DBT: variants seen among roughly 807,000 people sequenced by gnomAD.
DBT encodes the protein lipoamide acyltransferase component of branched-chain alpha-keto acid dehydrogenase complex, mitochondrial.
In DBT, 40 loss-of-function variants were observed where a neutral mutation model predicts 51.3. The ratio of observed to expected loss-of-function variants is 0.78; its 90% confidence interval spans 0.61 to 1.02. The LOEUF is 1.02. Ranked by LOEUF, DBT falls within the 50% of genes least tolerant of loss-of-function variation. DBT has a pLI of 0.00. For missense variants in DBT, 510 were observed against 580.2 expected, an observed-to-expected ratio of 0.88 and a Z score of 1.24; for synonymous variants, 181 against 190.4, an observed-to-expected ratio of 0.95 and a Z score of 0.41.
intron 3 of DBT, 83 bp downstream of exon 3, chr1:100,235,353 A>G (rs1663805572): frequency 2.6e-5 from 18 of 704,414 alleles, no homozygotes; most frequent in Non-Finnish European, 4.5e-5. Context: ...CCCACTATCC[A>G]TTAAATAAAT....
chr1:100,205,099 A>G (rs948731789), intron 10 of DBT, among the ~76,000 whole-genome samples: 2 of 152,224 alleles, frequency 1.3e-5, no homozygotes, highest in African/African-American at 2.4e-5. Context: ...GCCAAAATTG[A>G]CAAATCAGAT....
rs1196369112 is a variant in DBT at position 100,191,655 on chromosome 1, G to C, written c.*4600C>G. ...GGTGACTAAGACTCAAGTGTGGACA[G>C]AGTATTCTATTCTCCTGCCCACACT... is the stretch of plus-strand genomic sequence containing the variant. On this transcript the variant is annotated 3_prime_UTR_variant, in exon 11 of 11. Coordinates refer to ENST00000370132, the MANE Select transcript of DBT (RefSeq NM_001918.5). 2 of 152,216 alleles carry C rather than the reference G, an allele frequency of 1.3e-5. No individual in the cohort carries two copies. Among genetic ancestry groups the C allele is most frequent in the African/African-American group, 2.4e-5 (1 of 41,436 alleles). The allele number at this position is 152,216 out of a possible 1,614,324, so 9.4% of individuals were successfully genotyped here. A position where few individuals can be genotyped will look rare whatever the true frequency, so the allele number is the denominator to read the frequency against.
intron 10 of DBT, 130 bp downstream of exon 10, chr1:100,206,100 G>C: frequency 1.9e-6 from 1 of 513,114 alleles, no homozygotes; most frequent in Non-Finnish European, 3.5e-6. Flanking sequence ...AGAAATAATA[G>C]ACTTTCTAAG....
Position 100,216,001 on chromosome 1 carries a change from T to C in DBT, c.754A>G (p.Lys252Glu). 1 of 1,596,954 alleles carries C rather than the reference T, an allele frequency of 6.3e-7. No individual in the cohort carries two copies. Among genetic ancestry groups the C allele is most frequent in the South Asian group, 1.1e-5 (1 of 90,740 alleles). Residue 252 changes from lysine to glutamate, a missense_variant, in exon 6 of 11, where the codon AAA becomes GAA. Transcript: ENST00000370132. ...TCATTACCTTTTATGGGTTCTGTTTTGTCTTTGCCTGTGAATACCGGAGGT... is the reference window on the plus strand; with the variant it reads ...TCATTACCTTTTATGGGTTCTGTTTCGTCTTTGCCTGTGAATACCGGAGGT... ...SKPPVFTGKD[K>E]TEPIKGFQKA...
intron 1 of DBT, among the ~76,000 whole-genome samples, chr1:100,248,427 TG>T (rs1213015187): frequency 7.9e-5 from 12 of 152,182 alleles, no homozygotes; most frequent in Admixed American, 2.6e-4. Flanking sequence ...CATATGAAAC[TG>T]GAGATTTCCA....
intron 1 of DBT, among the ~76,000 whole-genome samples, chr1:100,242,206 C>T (rs1664265718): frequency 6.6e-6 from 1 of 150,750 alleles, no homozygotes; most frequent in South Asian, 2.1e-4. Context: ...GTCACTTTTA[C>T]TTAAAAAAAA....
rs778614562 is a variant in DBT, at chr1:100,207,995, C to T, written c.1018-1359G>A. ...AAAATACAAAAAGAAATTAGCCAGG[C>T]GTAGTGGCAGCCTCCTGCAGTACCA... is the stretch of plus-strand genomic sequence containing the variant. On this transcript the variant is annotated intron_variant, in intron 8 of 10. Transcript: ENST00000370132. Among the ~76,000 whole-genome samples, 99 of 151,956 alleles carry T rather than the reference C, an allele frequency of 6.5e-4. 3 individuals are homozygous for T. Among genetic ancestry groups the T allele is most frequent in the East Asian group, 1.9e-4 (1 of 5,178 alleles).
chr1:100,213,482 G>C, intron 7 of DBT: 2 of 1,546,174 alleles, frequency 1.3e-6, no homozygotes, highest in Non-Finnish European at 8.9e-7. Flanking sequence ...CAGCTGGACC[G>C]TCATCCGCTA....
chr1:100,219,090 G>A (rs183906689), intron 4 of DBT, among the ~76,000 whole-genome samples: 20 of 152,198 alleles, frequency 1.3e-4, no homozygotes, highest in African/African-American at 4.1e-4. Context: ...AGTGGCTCAC[G>A]CCTGCAATCC....
rs550571445 is a variant in DBT, at chr1:100,235,851, A to G, written c.176-340T>C. On this transcript the variant is annotated intron_variant, in intron 2 of 10. Transcript: ENST00000370132. ...AATAGAAAATAGAACAAAGATATAC[A>G]AAGAGAGACCCAGCTAGATATCCTT... is the stretch of plus-strand genomic sequence containing the variant. Among the ~76,000 whole-genome samples, 163 of 152,324 alleles carry G rather than the reference A, an allele frequency of 1.1e-3. 2 individuals are homozygous for G. Among genetic ancestry groups the G allele is most frequent in the Middle Eastern group, 3.4e-3 (1 of 294 alleles).
intron 10 of DBT, among the ~76,000 whole-genome samples, chr1:100,197,803 T>A (rs1661200254): frequency 6.6e-6 from 1 of 152,108 alleles, no homozygotes; most frequent in Admixed American, 6.5e-5. Flanking sequence ...TACTGAGAAT[T>A]GAGTAACATG....
intron 4 of DBT, among the ~76,000 whole-genome samples, chr1:100,225,072 C>G (rs1192409771): frequency 7.6e-6 from 1 of 131,700 alleles, no homozygotes; most frequent in Non-Finnish European, 1.6e-5. Flanking sequence ...CACACACACA[C>G]ACACACACAC....
chr1:100,223,259 A>G (rs374057927), intron 4 of DBT, among the ~76,000 whole-genome samples: 4 of 152,366 alleles, frequency 2.6e-5, no homozygotes, highest in South Asian at 2.1e-4. Context: ...AGTTGTTTAG[A>G]AAAGTGAGGA....
At position 100,214,953 on chromosome 1, in the gene DBT, G is replaced by A. The variant is rs148508583; in HGVS notation, c.803C>T (p.Ser268Phe). The change falls in exon 7 of 11, where the codon TCT (serine) becomes TTT (phenylalanine). Residue 268 changes from serine (S) to phenylalanine (F), a missense_variant. Transcript: ENST00000370132. ...GFQKAMVKTMSAALKIPHFGY... is the reference protein window; with the variant it reads ...GFQKAMVKTMFAALKIPHFGY... ...AAAATGAGGTATCTTCAGGGCTGCA[G>A]ACATAGTCTTGACCATTGCTTTTTG... 6.2e-7 allele frequency: 1 copy of A among 1,611,914 alleles called. No individual in the cohort carries two copies. The highest frequency in any genetic ancestry group is 1.3e-5 in the African/African-American group (1 of 74,816).
intron 3 of DBT, among the ~76,000 whole-genome samples, chr1:100,233,328 T>A (rs1211492320): frequency 6.6e-6 from 1 of 151,796 alleles, no homozygotes; most frequent in African/African-American, 2.4e-5. Context: ...GAAATTTAAG[T>A]ATTTTTTTTC....
At chr1:100,218,565 T>C in intron 5 of DBT, 61 bp downstream of exon 5, 1 of 1,594,740 alleles carries the variant, frequency 6.3e-7, no homozygotes. Flanking sequence ...TGGCTAATTT[T>C]TCAGAGATAC....
In DBT at chr1:100,196,114, G is replaced by T; in HGVS notation, c.*141C>A. 2.6e-6 allele frequency: 2 copies of T among 780,382 alleles called. No homozygotes were observed. The highest frequency in any genetic ancestry group is 4.3e-6 in the Non-Finnish European group (2 of 461,714). 48.3% of individuals were successfully genotyped at this position (780,382 alleles called of 1,614,324 possible). On this transcript the variant is annotated 3_prime_UTR_variant, in exon 11 of 11. Coordinates refer to ENST00000370132, the MANE Select transcript of DBT (RefSeq NM_001918.5). ...TCAGTAAAAAGTCTAATAGAACAGT[G>T]ACAAATATTGTGCCTTAGATCCTTA...
rs937884817 is a variant in DBT at position 100,213,405 on chromosome 1, C to G, written c.939+1412G>C. The stretch of plus-strand genomic sequence containing the variant: ...TACGGCGCCATCCCCGCCGCGCCCC[C>G]GCAGCCGCCCTACTCCTACCTCGTC... On this transcript the variant is annotated intron_variant, in intron 7 of 10. Transcript: ENST00000370132. 6 of 1,573,200 alleles carry G rather than the reference C, an allele frequency of 3.8e-6. 1 individual carries two copies. In the Middle Eastern group the frequency reaches 5.5e-4, roughly 143 times the overall value.
rs1353548845 is a variant in DBT, at chr1:100,188,296, T to C, written c.*7959A>G. 1 of 152,256 alleles carries C rather than the reference T, an allele frequency of 6.6e-6. No homozygotes were observed. The highest frequency in any genetic ancestry group is 1.5e-5 in the Non-Finnish European group (1 of 68,052). 9.4% of individuals were successfully genotyped at this position (152,256 alleles called of 1,614,324 possible). ...TTAATTACACCTGCCCACAACTTAA[T>C]TTACTTGCCTTTGTTACTACAGTTT... On this transcript the variant is annotated 3_prime_UTR_variant, in exon 11 of 11. Transcript: ENST00000370132.
Sources: allele counts gnomAD v4.1 joint callset (sites outside exome capture counted in the v4.1 genomes callset), GRCh38; gene constraint gnomAD v4.1.1; transcripts MANE v1.5; gene names NCBI Gene and HGNC (gene_info 2026-07-23, HGNC 2026-07-21).